The following PHIP variants were observed in gnomAD, a reference collection of about 807,000 sequenced individuals.
PHIP encodes PH-interacting protein.
A neutral mutation model predicts 236.8 loss-of-function variants in PHIP; 54 were observed. The observed-to-expected ratio is 0.23, with a 90% CI of 0.18 to 0.29. PHIP has a LOEUF of 0.29. Among genes scored for constraint, PHIP ranks in the 10% least tolerant of loss-of-function variants. The pLI is 1.00. For missense variants in PHIP, 1,370 were observed against 2,190.8 expected (o/e 0.63, Z 7.48); for synonymous variants, 756 against 718.9 (o/e 1.05, Z -0.83).
Position 78,936,356 on chromosome 6 carries a change from TTCAG to T in PHIP, c.*4333_*4336del, listed in dbSNP as rs754593088. The T allele has an allele frequency of 6.6e-6, 1 of 151,918 alleles. No individual in the cohort carries two copies. Among genetic ancestry groups the T allele is most frequent in the Non-Finnish European group, 1.5e-5 (1 of 67,792 alleles). 9.4% of individuals were successfully genotyped at this position (151,918 alleles called of 1,614,324 possible). On this transcript the variant is annotated 3_prime_UTR_variant, in exon 40 of 40. Coordinates refer to ENST00000275034, the MANE Select transcript of PHIP (RefSeq NM_017934.7). ...CAGGATTTAAGTTTTCTAAAAGATC[TTCAG>T]TAAGACCCCTGTCTTCTTGCAGTTT...
rs181565666 is a variant in PHIP at position 79,046,776 on chromosome 6, T to G, written c.440-3773A>C. Among the ~76,000 whole-genome samples, 11 of 152,060 alleles carry G rather than the reference T, an allele frequency of 7.2e-5. 1 individual carries two copies. The East Asian group carries it at 2.1e-3, about 29-fold the overall frequency. On this transcript the variant is annotated intron_variant, in intron 6 of 39. Transcript: ENST00000275034. ...CTGTAATCCCAGCTATGTGGGAGGC[T>G]GAGGCAGAAGAACAGCTTGAACCCC...
At chr6:79,047,488 A>T (rs1384238794) in intron 6 of PHIP, among the ~76,000 whole-genome samples, 1 of 152,206 alleles carries the variant, frequency 6.6e-6, no homozygotes, top group African/African-American at 2.4e-5. Flanking sequence ...GCAAAGGTTT[A>T]CCTCAAAAAC....
chr6:79,021,846 T>C (rs888954435), intron 9 of PHIP, among the ~76,000 whole-genome samples: 2 of 152,118 alleles, frequency 1.3e-5, no homozygotes, highest in African/African-American at 4.8e-5. Flanking sequence ...ATAGTAGTTA[T>C]ACATTTTTAA....
At chr6:79,059,371 A>T (rs1235782204) in intron 6 of PHIP, among the ~76,000 whole-genome samples, 1 of 151,702 alleles carries the variant, frequency 6.6e-6, no homozygotes, top group Non-Finnish European at 1.5e-5. Context: ...AAACTGCAGA[A>T]AACCAGAAAG....
At chr6:79,053,273 C>T (rs1772895142) in intron 6 of PHIP, among the ~76,000 whole-genome samples, 1 of 152,126 alleles carries the variant, frequency 6.6e-6, no homozygotes, top group Non-Finnish European at 1.5e-5. Flanking sequence ...GACATTGCGC[C>T]ACTGCACTTC....
At chr6:78,955,036 TTAGA>T in intron 34 of PHIP, 73 bp from the exon 35 acceptor site, 1 of 1,057,512 alleles carries the variant, frequency 9.5e-7, no homozygotes, top group African/African-American at 1.6e-5. Context: ...TAATGTAGTC[TTAGA>T]TAATTGGGTA....
At chr6:78,945,720 A>T (rs913709879) in intron 38 of PHIP, 1 of 601,284 alleles carries the variant, frequency 1.7e-6, no homozygotes, top group African/African-American at 1.9e-5. Context: ...AAAATTTCGA[A>T]GGCAAGTCTT....
At chr6:79,016,469 G>A (rs762597607) in intron 13 of PHIP, 75 bp downstream of exon 13, 7 of 778,838 alleles carry the variant, frequency 9.0e-6, no homozygotes, top group Admixed American at 7.1e-5. Context: ...TTTATAGGCT[G>A]AGAGTCACCA....
intron 15 of PHIP, among the ~76,000 whole-genome samples, chr6:79,012,586 T>C (rs1770643589): frequency 6.6e-6 from 1 of 151,628 alleles, no homozygotes; most frequent in Non-Finnish European, 1.5e-5. Flanking sequence ...CAACTTAACA[T>C]TAGGGATTAA....
At chr6:79,025,651 A>G in intron 8 of PHIP, 32 bp from the exon 9 acceptor site, 1 of 1,304,296 alleles carries the variant, frequency 7.7e-7, no homozygotes, top group Non-Finnish European at 1.1e-6. Flanking sequence ...AAAAATCTTT[A>G]CAAGAGTGAC....
Position 78,955,661 on chromosome 6 carries a change from T to G in PHIP, c.3804A>C (p.Ile1268=), listed in dbSNP as rs1270442564. 9.2e-7 allele frequency: 1 copy of G among 1,089,824 alleles called. No homozygotes were observed. Among genetic ancestry groups the G allele is most frequent in the African/African-American group, 1.6e-5 (1 of 64,328 alleles). 67.5% of individuals were successfully genotyped at this position (1,089,824 alleles called of 1,614,324 possible). Residue 1268 remains isoleucine (I), a synonymous_variant, in exon 33 of 40, where the codon ATA becomes ATC. Coordinates refer to ENST00000275034, the MANE Select transcript of PHIP (RefSeq NM_017934.7). The part of the protein sequence containing the change: ...HFIKDQTCYN[I]IPLYNSMKKK... ...TCTTCATTGAATTATAAAGTGGAAT[T>G]ATGTTATAACAAGTCTGATCCCTAC...
chr6:78,941,932 G>A (rs1178691864), intron 39 of PHIP, among the ~76,000 whole-genome samples: 1 of 152,066 alleles, frequency 6.6e-6, no homozygotes, highest in African/African-American at 2.4e-5. Context: ...TAAACCTGAA[G>A]GATCTGGAGA....
chr6:79,024,674 G>A (rs1019342267), intron 9 of PHIP, among the ~76,000 whole-genome samples: 3 of 152,044 alleles, frequency 2.0e-5, no homozygotes, highest in Non-Finnish European at 4.4e-5. Flanking sequence ...GAGTGGTGGC[G>A]GGCGCCTGTA....
At chr6:78,947,320 C>T (rs1392372530) in intron 36 of PHIP, among the ~76,000 whole-genome samples, 2 of 152,118 alleles carry the variant, frequency 1.3e-5, no homozygotes, top group Non-Finnish European at 2.9e-5. Context: ...CGCAAAAATG[C>T]TCCACAAGGC....
intron 4 of PHIP, among the ~76,000 whole-genome samples, chr6:79,066,984 G>A (rs536680826): frequency 6.6e-6 from 1 of 152,172 alleles, no homozygotes; most frequent in Non-Finnish European, 1.5e-5. Context: ...AAATTCCTGG[G>A]CTCAAACGAT....
chr6:79,033,189 G>C (rs1179975371), intron 7 of PHIP, among the ~76,000 whole-genome samples: 3 of 152,054 alleles, frequency 2.0e-5, no homozygotes, highest in African/African-American at 7.2e-5. Flanking sequence ...AAGTAGTTTA[G>C]CATAATTCTT....
At chr6:78,963,912 ACG>A (rs776737204) in intron 29 of PHIP, among the ~76,000 whole-genome samples, 1 of 152,196 alleles carries the variant, frequency 6.6e-6, no homozygotes, top group Non-Finnish European at 1.5e-5. Context: ...ATCACAAACT[ACG>A]ATTAAACTCT....
At chr6:78,948,818 T>C (rs2063123) in intron 35 of PHIP, among the ~76,000 whole-genome samples, 50,154 of 152,018 alleles carry the variant, frequency 0.33, 9,862 homozygotes, top group East Asian at 0.69. Flanking sequence ...AGTCCCTCAG[T>C]ATGCGACTAT....
At chr6:78,984,934 G>T (rs1768773225) in intron 22 of PHIP, among the ~76,000 whole-genome samples, 1 of 152,100 alleles carries the variant, frequency 6.6e-6, no homozygotes. Context: ...TCACTGGTCT[G>T]GTCAAATAAG....
Sources: allele counts gnomAD v4.1 joint callset (sites outside exome capture counted in the v4.1 genomes callset), GRCh38; gene constraint gnomAD v4.1.1; transcripts MANE v1.5; gene names NCBI Gene and HGNC (gene_info 2026-07-23, HGNC 2026-07-21).